PTGFR: variants seen among roughly 807,000 people sequenced by gnomAD.
PTGFR encodes the protein prostaglandin F2-alpha receptor.
PTGFR carries 15 observed loss-of-function variants against 26.2 expected under a neutral mutation model. That is an observed-to-expected ratio of 0.57 (90% CI 0.38 to 0.88). The LOEUF (loss-of-function observed/expected upper bound fraction) is 0.88. PTGFR is among the 40% of genes least tolerant of loss of function. PTGFR has a pLI of 0.00. For missense variants in PTGFR, 369 were observed against 427.2 expected (o/e 0.86, Z 1.20); for synonymous variants, 165 against 151.1 (o/e 1.09, Z -0.68).
rs114043571 is a variant in PTGFR, at chr1:78,521,577, G to T, written c.799-14829G>T. Among the ~76,000 whole-genome samples, 579 of 152,156 alleles carry T rather than the reference G, an allele frequency of 3.8e-3. 3 individuals carry two copies. The highest frequency in any genetic ancestry group is 6.8e-3 in the Middle Eastern group (2 of 294). ...AAGTGATTTTGATTTTTCTAAGTTG[G>T]TCATATATTCAGCAACAGGTTGAAC... On this transcript the variant is annotated intron_variant, in intron 2 of 2. Coordinates refer to ENST00000370757, the MANE Select transcript of PTGFR (RefSeq NM_000959.4).
At chr1:78,508,942 T>C (rs1471443898) in intron 2 of PTGFR, among the ~76,000 whole-genome samples, 1 of 152,142 alleles carries the variant, frequency 6.6e-6, no homozygotes, top group South Asian at 2.1e-4. Flanking sequence ...TAGTGAGATG[T>C]TTGGGTATTT....
Position 78,538,897 on chromosome 1 carries a change from T to C in PTGFR, c.*2210T>C, listed in dbSNP as rs954148917. ...TTTCCTTTTGAACTGGGTAAGGCAT[T>C]ATCCAAGCAACTTCACATACTATTT... On this transcript the variant is annotated 3_prime_UTR_variant, in exon 3 of 3. Coordinates refer to ENST00000370757, the MANE Select transcript of PTGFR (RefSeq NM_000959.4). 1.3e-5 allele frequency: 2 copies of C among 152,084 alleles called. No homozygotes were observed. Among genetic ancestry groups the C allele is most frequent in the Non-Finnish European group, 2.9e-5 (2 of 67,976 alleles). 9.4% of individuals were successfully genotyped at this position (152,084 alleles called of 1,614,324 possible).
At chr1:78,514,653 T>G (rs1650051363) in intron 2 of PTGFR, among the ~76,000 whole-genome samples, 2 of 152,108 alleles carry the variant, frequency 1.3e-5, no homozygotes. Context: ...ATTTGGGGCC[T>G]AGGGGTGGAA....
At chr1:78,508,908 C>T (rs907900964) in intron 2 of PTGFR, among the ~76,000 whole-genome samples, 1 of 151,878 alleles carries the variant, frequency 6.6e-6, no homozygotes, top group African/African-American at 2.4e-5. Flanking sequence ...ATTCTTTTTA[C>T]TGAGGTGATT....
chr1:78,515,575 A>C (rs921826047), intron 2 of PTGFR, among the ~76,000 whole-genome samples: 1 of 152,194 alleles, frequency 6.6e-6, no homozygotes, highest in African/African-American at 2.4e-5. Flanking sequence ...ACACTGATTC[A>C]AATCTGAGTT....
intron 2 of PTGFR, among the ~76,000 whole-genome samples, chr1:78,503,140 G>C (rs1216351485): frequency 6.6e-6 from 1 of 152,020 alleles, no homozygotes; most frequent in Non-Finnish European, 1.5e-5. Context: ...TTTAGTATTT[G>C]GGCCAGGCTT....
At chr1:78,505,860 G>T (rs1363123315) in intron 2 of PTGFR, among the ~76,000 whole-genome samples, 48 of 152,184 alleles carry the variant, frequency 3.2e-4, no homozygotes, top group Admixed American at 3.1e-3. Flanking sequence ...ACTGAGCAAG[G>T]TCAGTACATC....
intron 2 of PTGFR, among the ~76,000 whole-genome samples, chr1:78,506,948 G>C (rs1649840494): frequency 6.6e-6 from 1 of 152,130 alleles, no homozygotes; most frequent in Non-Finnish European, 1.5e-5. Flanking sequence ...TAATATTTCT[G>C]TTTTAACAGG....
rs576625228 is a variant in PTGFR at position 78,509,282 on chromosome 1, C to T, written c.798+15741C>T. 1.2e-3 allele frequency among the ~76,000 whole-genome samples: 177 copies of T among 152,276 alleles called. 2 individuals carry two copies. The highest frequency in any genetic ancestry group is 8.8e-3 in the Admixed American group (135 of 15,302). On this transcript the variant is annotated intron_variant, in intron 2 of 2. Transcript: ENST00000370757. ...TGATGCTGACAATGGTGGTCATCAA[C>T]GCCTGTAATTGGCCTATCCCTCATC...
intron 2 of PTGFR, among the ~76,000 whole-genome samples, chr1:78,497,312 C>A (rs779892976): frequency 2.0e-5 from 3 of 152,106 alleles, no homozygotes; most frequent in Non-Finnish European, 2.9e-5. Context: ...GAAACTACAA[C>A]TGACGCTTAT....
rs147891007 is a variant in PTGFR at position 78,499,748 on chromosome 1, A to G, written c.798+6207A>G. Among the ~76,000 whole-genome samples the G allele has an allele frequency of 1.9e-3, 282 of 152,338 alleles. 1 individual carries two copies. Among genetic ancestry groups the G allele is most frequent in the African/African-American group, 6.6e-3 (274 of 41,572 alleles). On this transcript the variant is annotated intron_variant, in intron 2 of 2. Transcript: ENST00000370757. Reference sequence around the variant, plus strand: ...ATGAGAATTTAGGAATTCTGTCAGCATCTAGAGGAATTTCATGGACATACT... The same window carrying G: ...ATGAGAATTTAGGAATTCTGTCAGCGTCTAGAGGAATTTCATGGACATACT...
intron 2 of PTGFR, among the ~76,000 whole-genome samples, chr1:78,533,301 CA>C (rs1364143535): frequency 1.3e-5 from 2 of 152,170 alleles, no homozygotes; most frequent in African/African-American, 4.8e-5. Flanking sequence ...TCATACAGCT[CA>C]AATGGAAAAG....
intron 2 of PTGFR, among the ~76,000 whole-genome samples, chr1:78,524,148 G>C (rs538713268): frequency 1.1e-4 from 16 of 152,026 alleles, no homozygotes; most frequent in African/African-American, 3.9e-4. Context: ...GACATCACAT[G>C]ATGAGGGCAC....
At position 78,536,554 on chromosome 1, in the gene PTGFR, A is replaced by G. The variant is rs762993643; in HGVS notation, c.947A>G (p.Tyr316Cys). The G allele has an allele frequency of 2.9e-5, 46 of 1,613,328 alleles. No individual in the cohort carries two copies. The highest frequency in any genetic ancestry group is 3.7e-5 in the Non-Finnish European group (44 of 1,179,554). ...CGAAAGGCTGTCCTTAAGAATCTCT[A>G]TAAGCTTGCCAGTCAATGCTGTGGA... ...LLRKAVLKNL[Y>C]KLASQCCGVH... Residue 316 changes from tyrosine (Y) to cysteine (C), a missense_variant, in exon 3 of 3, where the codon TAT becomes TGT. Coordinates refer to ENST00000370757, the MANE Select transcript of PTGFR (RefSeq NM_000959.4).
chr1:78,496,959 A>T (rs1649568619), intron 2 of PTGFR, among the ~76,000 whole-genome samples: 1 of 142,584 alleles, frequency 7.0e-6, no homozygotes, highest in Admixed American at 7.7e-5. Context: ...CGATGAGCTG[A>T]CATTGCTATA....
At chr1:78,511,890 C>A (rs149063427) in intron 2 of PTGFR, among the ~76,000 whole-genome samples, 93 of 152,286 alleles carry the variant, frequency 6.1e-4, no homozygotes, top group African/African-American at 2.2e-3. Flanking sequence ...GAACACTTTG[C>A]CGCTTGCTTC....
chr1:78,514,465 C>T (rs959367327), intron 2 of PTGFR, among the ~76,000 whole-genome samples: 23 of 152,114 alleles, frequency 1.5e-4, no homozygotes, highest in African/African-American at 5.6e-4. Context: ...GGAATGTAAA[C>T]CCAATGTCTG....
At chr1:78,507,159 T>C (rs1281658278) in intron 2 of PTGFR, among the ~76,000 whole-genome samples, 1 of 152,210 alleles carries the variant, frequency 6.6e-6, no homozygotes, top group East Asian at 1.9e-4. Flanking sequence ...TGTCCTCTGA[T>C]TCTTCAGGCT....
At chr1:78,516,118 A>T (rs1015358759) in intron 2 of PTGFR, among the ~76,000 whole-genome samples, 7 of 152,202 alleles carry the variant, frequency 4.6e-5, no homozygotes, top group Admixed American at 2.0e-4. Context: ...TAATTTTTTT[A>T]AAAAAACCAC....
Sources: gnomAD v4.1 joint callset for allele counts (sites outside exome capture counted in the v4.1 genomes callset) on GRCh38, gnomAD v4.1.1 for gene constraint, MANE v1.5 for transcripts, NCBI Gene and HGNC (gene_info 2026-07-23, HGNC 2026-07-21) for gene names.